The following USP34 variants were observed in gnomAD, a reference collection of about 807,000 sequenced individuals.
USP34 encodes the protein ubiquitin carboxyl-terminal hydrolase 34.
A neutral mutation model predicts 460.3 loss-of-function variants in USP34; 70 were observed. That is an observed-to-expected ratio of 0.15 (90% CI 0.13 to 0.19). USP34 has a LOEUF of 0.19. Ranked by LOEUF, USP34 falls within the 10% of genes least tolerant of loss-of-function variation. The probability of loss-of-function intolerance (pLI) is 1.00; values close to 1 mark genes in which losing one functional copy is unlikely to be tolerated. For missense variants in USP34, 3,985 were observed against 4,236.2 expected (o/e 0.94, Z 1.65); for synonymous variants, 1,647 against 1,405.3 (o/e 1.17, Z -3.85).
intron 1 of USP34, among the ~76,000 whole-genome samples, chr2:61,450,939 G>A (rs956112683): frequency 1.3e-5 from 2 of 151,072 alleles, no homozygotes; most frequent in Non-Finnish European, 2.9e-5. Flanking sequence ...GAGTAACTTG[G>A]CCAGGCACGG....
chr2:61,323,162 T>C (rs1690977846), intron 21 of USP34, among the ~76,000 whole-genome samples: 1 of 152,176 alleles, frequency 6.6e-6, no homozygotes, highest in Non-Finnish European at 1.5e-5. Context: ...GGAGGATCGC[T>C]TGAGTCCATG....
intron 27 of USP34, among the ~76,000 whole-genome samples, chr2:61,307,403 G>GTGTA (rs1411378427): frequency 6.6e-6 from 1 of 151,860 alleles, no homozygotes; most frequent in Non-Finnish European, 1.5e-5. Flanking sequence ...AACGTGGTAC[G>GTGTA]TGTATACATT....
At chr2:61,324,039 G>A (rs1210920704) in intron 21 of USP34, among the ~76,000 whole-genome samples, 1 of 152,192 alleles carries the variant, frequency 6.6e-6, no homozygotes, top group Admixed American at 6.5e-5. Flanking sequence ...AAAGAGTCAT[G>A]ACGACTCCTA....
chr2:61,395,170 G>A lies in USP34; in HGVS notation c.603+13C>T. On this transcript the variant is annotated intron_variant, in intron 4 of 79. Transcript: ENST00000398571. ...AAATTTTCCATAAAAGAATAAAAAAGGTAAACACTTACATTCATATCACAG... is the reference window on the plus strand; with the variant it reads ...AAATTTTCCATAAAAGAATAAAAAAAGTAAACACTTACATTCATATCACAG... 3 of 1,492,724 alleles carry A rather than the reference G, an allele frequency of 2.0e-6. No individual in the cohort carries two copies. Among genetic ancestry groups the A allele is most frequent in the Non-Finnish European group, 1.8e-6 (2 of 1,096,644 alleles). The allele number at this position is 1,492,724 out of a possible 1,614,324, so 92.5% of individuals were successfully genotyped here.
At chr2:61,253,945 G>C (rs1421033492) in intron 48 of USP34, among the ~76,000 whole-genome samples, 3 of 152,152 alleles carry the variant, frequency 2.0e-5, no homozygotes, top group Non-Finnish European at 4.4e-5. Flanking sequence ...ATGTTGGCCA[G>C]GCTGGTCTCA....
chr2:61,238,140 C>T (rs1361536935), intron 53 of USP34, among the ~76,000 whole-genome samples: 1 of 152,086 alleles, frequency 6.6e-6, no homozygotes. Flanking sequence ...AAGTGATCCA[C>T]CTGCCTCAGC....
chr2:61,276,727 A>G (rs1040145779), intron 41 of USP34, among the ~76,000 whole-genome samples: 1 of 152,226 alleles, frequency 6.6e-6, no homozygotes, highest in Non-Finnish European at 1.5e-5. Context: ...AAATCTATCA[A>G]ATCATTTCCA....
At chr2:61,189,237 A>G in intron 78 of USP34, 168 bp from the exon 79 acceptor site, 1 of 638,202 alleles carries the variant, frequency 1.6e-6, no homozygotes, top group East Asian at 3.1e-5. Flanking sequence ...CAGTGTTAAG[A>G]TACTACAGCA....
chr2:61,450,494 T>C (rs1026735909), intron 1 of USP34, among the ~76,000 whole-genome samples: 14 of 152,130 alleles, frequency 9.2e-5, no homozygotes, highest in Non-Finnish European at 1.2e-4. Flanking sequence ...TAGTTCACTA[T>C]AGCTGTTAAA....
chr2:61,429,229 C>T (rs1431321294), intron 1 of USP34, among the ~76,000 whole-genome samples: 2 of 151,790 alleles, frequency 1.3e-5, no homozygotes, highest in Non-Finnish European at 2.9e-5. Context: ...AGGCGGATCA[C>T]GAGGTCAGGA....
At chr2:61,244,202 A>C (rs571674242) in intron 51 of USP34, among the ~76,000 whole-genome samples, 1 of 152,252 alleles carries the variant, frequency 6.6e-6, no homozygotes, top group Non-Finnish European at 1.5e-5. Context: ...GAAATGACTA[A>C]TATTTGTCTT....
rs748965386 is a variant in USP34, at chr2:61,256,506, T to C, written c.6127-28A>G. ...GTGTATAAAACCACATTTAAAAGTT[T>C]CATATTATTGTTTATAGCATGCAAA... On this transcript the variant is annotated intron_variant, in intron 47 of 79. Coordinates refer to ENST00000398571, the MANE Select transcript of USP34 (RefSeq NM_014709.4). 5 of 1,515,044 alleles carry C rather than the reference T, an allele frequency of 3.3e-6. No individual in the cohort carries two copies. The East Asian group carries it at 9.4e-5, about 29-fold the overall frequency. The allele number at this position is 1,515,044 out of a possible 1,614,324, so 93.9% of individuals were successfully genotyped here.
chr2:61,222,127 G>C (rs1293314899), intron 65 of USP34, among the ~76,000 whole-genome samples: 1 of 152,178 alleles, frequency 6.6e-6, no homozygotes, highest in Non-Finnish European at 1.5e-5. Context: ...AATTGTTAAT[G>C]AGACAACTGT....
chr2:61,406,230 T>A (rs1693866070), intron 2 of USP34, 102 bp from the exon 3 acceptor site: 1 of 1,079,286 alleles, frequency 9.3e-7, no homozygotes, highest in African/African-American at 1.6e-5. Flanking sequence ...ATTTCTAGAC[T>A]TGTTTTTATT....
intron 67 of USP34, among the ~76,000 whole-genome samples, chr2:61,217,887 G>A (rs568723404): frequency 3.9e-5 from 6 of 152,108 alleles, no homozygotes; most frequent in East Asian, 3.9e-4. Flanking sequence ...CCCGGGAGGC[G>A]GAGGTTGCAG....
intron 48 of USP34, among the ~76,000 whole-genome samples, chr2:61,251,216 T>G (rs1296488327): frequency 2.6e-5 from 4 of 152,200 alleles, no homozygotes; most frequent in Non-Finnish European, 5.9e-5. Context: ...TCACTGGATA[T>G]TAGACATAAA....
rs940029788 is a variant in USP34, at chr2:61,406,169, G to A, written c.132-41C>T. Reference sequence around the variant, plus strand: ...AATTGAATAAATTAGTAATAAAGCAGCAGCTGTATTTTTTAATAATATAAA... The same window carrying A: ...AATTGAATAAATTAGTAATAAAGCAACAGCTGTATTTTTTAATAATATAAA... On this transcript the variant is annotated intron_variant, in intron 2 of 79. Transcript: ENST00000398571. 5.0e-6 allele frequency: 7 copies of A among 1,409,992 alleles called. No individual in the cohort carries two copies. The South Asian group carries it at 8.0e-5, about 16-fold the overall frequency. 87.3% of individuals were successfully genotyped at this position (1,409,992 alleles called of 1,614,324 possible). A position where few individuals can be genotyped will look rare whatever the true frequency, so the allele number is the denominator to read the frequency against.
chr2:61,291,399 T>C (rs527343570), intron 33 of USP34, among the ~76,000 whole-genome samples: 6 of 152,124 alleles, frequency 3.9e-5, no homozygotes, highest in East Asian at 1.9e-4. Flanking sequence ...CTCAAAAAGT[T>C]AGAAGTTACC....
intron 1 of USP34, among the ~76,000 whole-genome samples, chr2:61,454,890 GTTTA>G (rs1695391217): frequency 5.1e-5 from 4 of 78,404 alleles, no homozygotes; most frequent in African/African-American, 1.5e-4. Flanking sequence ...TTTTTTGGTT[GTTTA>G]TTTGAGATGA....
Sources: gnomAD v4.1 joint callset for allele counts (sites outside exome capture counted in the v4.1 genomes callset) on GRCh38, gnomAD v4.1.1 for gene constraint, MANE v1.5 for transcripts, NCBI Gene and HGNC (gene_info 2026-07-23, HGNC 2026-07-21) for gene names.